The following RAD51B variants were observed in gnomAD, a reference collection of about 807,000 sequenced individuals.
The protein encoded by RAD51B is RAD51 paralog B, also known as DNA repair protein RAD51 homolog 2.
In RAD51B, 38 loss-of-function variants were observed where a neutral mutation model predicts 42.2. The ratio of observed to expected loss-of-function variants is 0.90; its 90% CI spans 0.70 to 1.18. The LOEUF is 1.18. RAD51B is among the 50% of genes most tolerant of loss of function. The pLI is 0.00. For synonymous variants in RAD51B, 154 were observed against 145.2 expected (o/e 1.06, Z -0.43); for missense variants, 373 against 400.7 (o/e 0.93, Z 0.59).
chr14:68,237,984 C>T (rs763352993), intron 7 of RAD51B, among the ~76,000 whole-genome samples: 1 of 152,138 alleles, frequency 6.6e-6, no homozygotes, highest in Non-Finnish European at 1.5e-5. Flanking sequence ...CCACCCACCT[C>T]GGCCTCCCAA....
At chr14:68,421,805 G>T in intron 9 of RAD51B, 2 of 1,597,984 alleles carry the variant, frequency 1.3e-6, no homozygotes, top group Non-Finnish European at 1.7e-6. Flanking sequence ...CTTTCACTTT[G>T]CCAAAGAGCA....
At chr14:68,051,393 T>C (rs1595325872) in intron 7 of RAD51B, among the ~76,000 whole-genome samples, 1 of 152,148 alleles carries the variant, frequency 6.6e-6, no homozygotes, top group Non-Finnish European at 1.5e-5. Flanking sequence ...TTAGGTTGTT[T>C]GTTTGTTTTC....
intron 10 of RAD51B, among the ~76,000 whole-genome samples, chr14:68,536,606 TC>T (rs762744702): frequency 2.6e-5 from 4 of 152,244 alleles, no homozygotes; most frequent in Non-Finnish European, 4.4e-5. Flanking sequence ...GCTCAGGTTA[TC>T]CTTTGTAAAA....
chr14:68,250,024 G>C (rs1421772143), intron 7 of RAD51B, among the ~76,000 whole-genome samples: 1 of 152,186 alleles, frequency 6.6e-6, no homozygotes, highest in Non-Finnish European at 1.5e-5. Flanking sequence ...ATTTCCAGGG[G>C]AGAGGGCCTC....
intron 10 of RAD51B, among the ~76,000 whole-genome samples, chr14:68,640,888 G>C (rs1169308306): frequency 2.0e-5 from 3 of 152,214 alleles, no homozygotes; most frequent in Non-Finnish European, 4.4e-5. Context: ...GAATCTCACA[G>C]TTTACTGTCT....
downstream of RAD51B, among the ~76,000 whole-genome samples, chr14:68,599,046 G>A (rs984228218): frequency 2.0e-5 from 3 of 152,282 alleles, no homozygotes; most frequent in Admixed American, 1.3e-4. Context: ...AAACACGGCC[G>A]ACTTTCATCT....
intron 9 of RAD51B, among the ~76,000 whole-genome samples, chr14:68,446,099 T>C (rs866367308): frequency 3.9e-5 from 6 of 152,352 alleles, no homozygotes; most frequent in Middle Eastern, 3.4e-3. Context: ...GATAATAACA[T>C]TATCGGCTGC....
intron 6 of RAD51B, 108 bp from the exon 7 acceptor site, chr14:67,886,913 T>G (rs911504077): frequency 1.7e-5 from 12 of 690,060 alleles, no homozygotes; most frequent in Non-Finnish European, 2.5e-5. Flanking sequence ...TTACTGTAAC[T>G]TAGGAAAGAA....
rs1892268930 is a variant in RAD51B at position 68,633,010 on chromosome 14, G to A, written c.1037-17771G>A. Reference sequence around the variant, plus strand: ...TTTTTTTTTTTTTTTGGAGAGAGGGGTTCTCACCATCTTGCCCAGGCTGGT... The same window carrying A: ...TTTTTTTTTTTTTTTGGAGAGAGGGATTCTCACCATCTTGCCCAGGCTGGT... On this transcript the variant is annotated intron_variant, in intron 10 of 11. Coordinates refer to the RAD51B transcript ENST00000488612. Among the ~76,000 whole-genome samples, 4 of 101,954 alleles carry A rather than the reference G, an allele frequency of 3.9e-5. No homozygotes were observed. In the South Asian group the frequency reaches 1.2e-3, roughly 32 times the overall value. 66.9% of individuals were successfully genotyped at this position (101,954 alleles called of 152,430 possible).
downstream of RAD51B, among the ~76,000 whole-genome samples, chr14:68,615,040 T>A (rs1397223991): frequency 6.6e-6 from 1 of 152,008 alleles, no homozygotes; most frequent in African/African-American, 2.4e-5. Context: ...GCCCAGCTAA[T>A]TTTTGTATTT....
intron 4 of RAD51B, among the ~76,000 whole-genome samples, chr14:67,844,726 C>T (rs1038674648): frequency 3.3e-5 from 5 of 151,802 alleles, no homozygotes; most frequent in East Asian, 1.9e-4. Context: ...CCCATTAACT[C>T]GTCATTTACA....
intron 10 of RAD51B, among the ~76,000 whole-genome samples, chr14:68,523,209 G>A (rs1197908984): frequency 1.3e-5 from 2 of 152,182 alleles, no homozygotes; most frequent in African/African-American, 4.8e-5. Flanking sequence ...AGAGTAGAAA[G>A]CGGATACCAG....
At chr14:68,520,025 G>A (rs886772506) in intron 10 of RAD51B, among the ~76,000 whole-genome samples, 2 of 152,188 alleles carry the variant, frequency 1.3e-5, no homozygotes, top group East Asian at 1.9e-4. Context: ...TGGTTTAGAC[G>A]GGGACAAGTA....
In RAD51B at chr14:68,130,811, G is replaced by C. The variant is rs555326510; in HGVS notation, c.757-161073G>C. 3.3e-5 allele frequency among the ~76,000 whole-genome samples: 5 copies of C among 152,300 alleles called. No individual in the cohort carries two copies. The East Asian group carries it at 9.6e-4, about 29-fold the overall frequency. On this transcript the variant is annotated intron_variant, in intron 7 of 10. Transcript: ENST00000471583. ...GTGCTTGGCAGTCACAGATTGTTGA[G>C]AGTTATCAAGTAAGCCTCCATAATC...
intron 7 of RAD51B, among the ~76,000 whole-genome samples, chr14:68,157,494 TA>T (rs1429859901): frequency 2.0e-5 from 3 of 152,188 alleles, no homozygotes; most frequent in Non-Finnish European, 2.9e-5. Context: ...AGAACTAAAA[TA>T]GTCTGAGAAG....
chr14:68,485,451 T>C (rs1883549408), intron 10 of RAD51B, among the ~76,000 whole-genome samples: 1 of 152,018 alleles, frequency 6.6e-6, no homozygotes, highest in African/African-American at 2.4e-5. Context: ...ATAAAATCCC[T>C]CTCTCAGCTA....
At chr14:68,515,440 CTTCTT>C (rs779006281) in intron 10 of RAD51B, among the ~76,000 whole-genome samples, 22 of 124,762 alleles carry the variant, frequency 1.8e-4, no homozygotes, top group Admixed American at 3.2e-4. Flanking sequence ...TCTTCTTCTT[CTTCTT>C]TTTTTTTTTT....
chr14:68,169,990 C>T (rs568440378), intron 7 of RAD51B, among the ~76,000 whole-genome samples: 2 of 152,126 alleles, frequency 1.3e-5, no homozygotes, highest in African/African-American at 2.4e-5. Context: ...TGGAAAGAAC[C>T]ATTGAAACTC....
chr14:68,420,554 C>G (rs781097473), intron 9 of RAD51B, among the ~76,000 whole-genome samples: 1 of 152,042 alleles, frequency 6.6e-6, no homozygotes, highest in Non-Finnish European at 1.5e-5. Flanking sequence ...CGGTAACTTC[C>G]TGATGTTGTC....
Sources: allele counts gnomAD v4.1 joint callset (sites outside exome capture counted in the v4.1 genomes callset), GRCh38; gene constraint gnomAD v4.1.1; transcripts MANE v1.5; gene names NCBI Gene and HGNC (gene_info 2026-07-23, HGNC 2026-07-21).